Variants in ANK3 observed in about 807,000 individuals in gnomAD.
The protein encoded by ANK3 is ankyrin-3.
ANK3 carries 57 observed loss-of-function variants against 370.9 expected under a neutral mutation model. The observed-to-expected ratio is 0.15, with a 90% CI of 0.12 to 0.19. The LOEUF is 0.19. Ranked by LOEUF, ANK3 falls within the 10% of genes least tolerant of loss-of-function variation. ANK3 has a pLI of 1.00. For synonymous variants in ANK3, 1,929 were observed against 1,946.3 expected (o/e 0.99, Z 0.23); for missense variants, 4,439 against 5,302.1 (o/e 0.84, Z 5.06).
chr10:60,199,605 C>T (rs535064077), intron 13 of ANK3, among the ~76,000 whole-genome samples: 5 of 152,048 alleles, frequency 3.3e-5, no homozygotes, highest in African/African-American at 4.8e-5. Flanking sequence ...ATAGCCTGAC[C>T]GAACTATCTA....
intron 16 of ANK3, among the ~76,000 whole-genome samples, chr10:60,189,943 A>G (rs1157655869): frequency 1.3e-5 from 2 of 152,214 alleles, no homozygotes; most frequent in African/African-American, 2.4e-5. Context: ...TTTATGGAAG[A>G]GAAACCTGAT....
intron 1 of ANK3, among the ~76,000 whole-genome samples, chr10:60,633,533 C>G (rs1379299061): frequency 6.6e-6 from 1 of 151,910 alleles, no homozygotes; most frequent in East Asian, 1.9e-4. Context: ...GCAATATGAA[C>G]ATATATATTT....
At chr10:60,566,621 C>G (rs2077468734) in intron 2 of ANK3, among the ~76,000 whole-genome samples, 1 of 152,164 alleles carries the variant, frequency 6.6e-6, no homozygotes, top group Non-Finnish European at 1.5e-5. Flanking sequence ...ACCTGTAATT[C>G]CAGCACTTTG....
At position 60,071,008 on chromosome 10, in the gene ANK3, G is replaced by T. The variant is rs141555121; in HGVS notation, c.9873C>A (p.Asp3291Glu). 1 of 1,614,114 alleles carries T rather than the reference G, an allele frequency of 6.2e-7. No individual in the cohort carries two copies. Among genetic ancestry groups the T allele is most frequent in the Admixed American group, 1.7e-5 (1 of 60,020 alleles). ...MIEVNLQDEH[D>E]KYQLAEPVIR... is the part of the protein sequence containing the mutation. Reference sequence around the variant, plus strand: ...TGACAGGTTCAGCCAGCTGGTACTTGTCATGCTCATCTTGCAGATTGACTT... The same window carrying T: ...TGACAGGTTCAGCCAGCTGGTACTTTTCATGCTCATCTTGCAGATTGACTT... Residue 3291 changes from aspartate to glutamate, a missense_variant, in exon 37 of 44, where the codon GAC becomes GAA. Coordinates refer to ENST00000280772, the MANE Select transcript of ANK3 (RefSeq NM_020987.5).
chr10:60,591,302 A>ATTTT (rs1262522090), intron 2 of ANK3, among the ~76,000 whole-genome samples: 7 of 95,826 alleles, frequency 7.3e-5, no homozygotes, highest in Middle Eastern at 4.5e-3. Flanking sequence ...TTTTATTTTT[A>ATTTT]TTTTATTTAT....
intron 1 of ANK3, among the ~76,000 whole-genome samples, chr10:60,649,633 C>A (rs978235206): frequency 6.6e-6 from 1 of 152,166 alleles, no homozygotes; most frequent in Non-Finnish European, 1.5e-5. Context: ...TAAGGCAGAG[C>A]CTTTTAAACT....
At chr10:60,096,977 T>C (rs2090267441) in intron 28 of ANK3, among the ~76,000 whole-genome samples, 1 of 152,208 alleles carries the variant, frequency 6.6e-6, no homozygotes, top group East Asian at 1.9e-4. Context: ...TCTCTCTTTT[T>C]AAAATCTGTT....
rs1406606200 is a variant in ANK3 at position 60,074,667 on chromosome 10, T to C, written c.6214A>G (p.Ile2072Val). Residue 2072 changes from isoleucine (I) to valine (V), a missense_variant, in exon 37 of 44, where the codon ATT becomes GTT. Ile to Val is a conservative substitution (Grantham distance 29). Transcript: ENST00000280772. Reference sequence around the variant, plus strand: ...TTGAGTTTGTGTTCCTGCAAAGCAATTGCTGGTTTTAAAACTCTTTTCTGT... The same window carrying C: ...TTGAGTTTGTGTTCCTGCAAAGCAACTGCTGGTTTTAAAACTCTTTTCTGT... ...ERQKRVLKPA[I>V]ALQEHKLKMP... 5.0e-6 allele frequency: 8 copies of C among 1,613,642 alleles called. No homozygotes were observed. Among genetic ancestry groups the C allele is most frequent in the East Asian group, 4.5e-5 (2 of 44,890 alleles).
chr10:60,336,090 C>T (rs906362388), intron 1 of ANK3, among the ~76,000 whole-genome samples: 7 of 148,694 alleles, frequency 4.7e-5, no homozygotes, highest in South Asian at 2.1e-4. Flanking sequence ...CATAGTTTGG[C>T]GGGGGGGGGA....
At chr10:60,693,392 C>A (rs1289601795) in intron 1 of ANK3, among the ~76,000 whole-genome samples, 2 of 152,248 alleles carry the variant, frequency 1.3e-5, no homozygotes, top group Non-Finnish European at 2.9e-5. Context: ...CTGGGTGGAG[C>A]CCACCACAGC....
chr10:60,206,792 T>C lies in ANK3; in HGVS notation c.1195-902A>G, dbSNP rs561904638. 7.2e-5 allele frequency among the ~76,000 whole-genome samples: 11 copies of C among 152,334 alleles called. No homozygotes were observed. In the South Asian group the frequency reaches 2.3e-3, roughly 32 times the overall value. Reference sequence around the variant, plus strand: ...TGTCCTAAGTTGTCCTGCCTGCCGATTGAGACTGTGGCACGTATTTCAGCT... The same window carrying C: ...TGTCCTAAGTTGTCCTGCCTGCCGACTGAGACTGTGGCACGTATTTCAGCT... On this transcript the variant is annotated intron_variant, in intron 10 of 43. Coordinates refer to ENST00000280772, the MANE Select transcript of ANK3 (RefSeq NM_020987.5).
chr10:60,175,838 A>G (rs947659051), intron 18 of ANK3, among the ~76,000 whole-genome samples: 1 of 152,172 alleles, frequency 6.6e-6, no homozygotes, highest in Admixed American at 6.5e-5. Context: ...CTCTCTGTAC[A>G]TTGGCTTATG....
chr10:60,362,613 C>T (rs2058780369), intron 1 of ANK3, among the ~76,000 whole-genome samples: 1 of 152,154 alleles, frequency 6.6e-6, no homozygotes. Context: ...TGTGGTTTTG[C>T]ATTTCATCAG....
At chr10:60,153,693 A>T (rs993344446) in intron 23 of ANK3, among the ~76,000 whole-genome samples, 2 of 152,194 alleles carry the variant, frequency 1.3e-5, no homozygotes, top group African/African-American at 4.8e-5. Context: ...CCAATGATGG[A>T]ACAGACTTTG....
intron 1 of ANK3, chr10:60,684,918 G>A: frequency 6.7e-7 from 1 of 1,498,686 alleles, no homozygotes; most frequent in Non-Finnish European, 9.2e-7. Context: ...AACAAGACTT[G>A]GAGAACTCAT....
intron 2 of ANK3, among the ~76,000 whole-genome samples, chr10:60,561,758 T>C (rs886346545): frequency 6.6e-6 from 1 of 152,224 alleles, no homozygotes; most frequent in African/African-American, 2.4e-5. Flanking sequence ...AAGCCATTCC[T>C]TTCTCCTGCA....
intron 1 of ANK3, among the ~76,000 whole-genome samples, chr10:60,329,040 T>C (rs1372738125): frequency 6.6e-6 from 1 of 152,176 alleles, no homozygotes; most frequent in Non-Finnish European, 1.5e-5. Context: ...AACCACATGA[T>C]TATTTCAATA....
chr10:60,159,600 A>G (rs1460739415), intron 23 of ANK3, among the ~76,000 whole-genome samples: 3 of 152,050 alleles, frequency 2.0e-5, no homozygotes, highest in African/African-American at 7.2e-5. Context: ...TCTATCCAAC[A>G]CCTGTAAAAT....
In ANK3 at chr10:60,082,709, C is replaced by A; in HGVS notation, c.4229G>T (p.Gly1410Val). 1 of 1,613,932 alleles carries A rather than the reference C, an allele frequency of 6.2e-7. No individual in the cohort carries two copies. Among genetic ancestry groups the A allele is most frequent in the Non-Finnish European group, 8.5e-7 (1 of 1,179,928 alleles). Reference protein sequence around the residue: ...KIRDTSQEPCGRLSFLKEPKT... With the variant: ...KIRDTSQEPCVRLSFLKEPKT... ...TGGTTCTTTCAGAAAAGACAGACGA[C>A]CACAGGGCTCTTGGCTGGTGTCTCT... is the stretch of plus-strand genomic sequence containing the variant. The change falls in exon 34 of 44, where the codon GGT becomes GTT. Residue 1410 changes from glycine to valine, a missense_variant. Gly to Val is a moderately radical substitution (Grantham distance 109, BLOSUM62 -3). Transcript: ENST00000280772.
Sources: allele counts gnomAD v4.1 joint callset (sites outside exome capture counted in the v4.1 genomes callset), GRCh38; gene constraint gnomAD v4.1.1; transcripts MANE v1.5; gene names NCBI Gene and HGNC (gene_info 2026-07-23, HGNC 2026-07-21).